Variants in ZNF208 observed in about 807,000 individuals in gnomAD.
ZNF208 encodes zinc finger protein 208.
A neutral mutation model predicts 12.1 loss-of-function variants in ZNF208; 10 were observed. The observed-to-expected ratio is 0.83, with a 90% confidence interval of 0.51 to 1.40. The LOEUF is 1.40. ZNF208 is among the 40% of genes most tolerant of loss of function. The pLI, the probability that ZNF208 is intolerant of heterozygous loss-of-function variation, is 0.00. For synonymous variants in ZNF208, 497 were observed against 488.4 expected (o/e 1.02, Z -0.23); for missense variants, 1,652 against 1,485.0 (o/e 1.11, Z -1.85).
chr19:21,978,048 T>C (rs1343594602), intron 3 of ZNF208, among the ~76,000 whole-genome samples: 1 of 151,954 alleles, frequency 6.6e-6, no homozygotes, highest in East Asian at 1.9e-4. Flanking sequence ...GCAGGGCATC[T>C]CTGAAAAAAA....
In ZNF208 at chr19:21,973,500, G is replaced by C; in HGVS notation, c.1534C>G (p.Leu512Val). The change falls in exon 4 of 4, where the codon CTT (leucine) becomes GTT (valine). Residue 512 changes from leucine (L) to valine (V), a missense_variant. Transcript: ENST00000397126. ...GTATGAATTCTCTTATGTTCCATAA[G>C]GTTTGAGGACCAGTTGAAAGCTTTG... ...CGKAFNWSSN[L>V]MEHKRIHTGE... The C allele has an allele frequency of 1.2e-6, 2 of 1,613,068 alleles. No individual in the cohort carries two copies. The highest frequency in any genetic ancestry group is 1.1e-5 in the South Asian group (1 of 91,044).
intron 3 of ZNF208, among the ~76,000 whole-genome samples, chr19:21,985,482 T>C (rs1054049062): frequency 6.6e-6 from 1 of 152,156 alleles, no homozygotes; most frequent in African/African-American, 2.4e-5. Flanking sequence ...AGCCCAAGAT[T>C]GAGGAGCACC....
At chr19:21,954,780 CTT>C (rs1479938216) in intron 4 of ZNF208, among the ~76,000 whole-genome samples, 3 of 152,158 alleles carry the variant, frequency 2.0e-5, no homozygotes, top group Non-Finnish European at 2.9e-5. Context: ...GGTCTTGACT[CTT>C]TATCCAATTT....
At chr19:21,965,113 C>T (rs1471415053), downstream of ZNF208, among the ~76,000 whole-genome samples, 1 of 151,942 alleles carries the variant, frequency 6.6e-6, no homozygotes, top group Admixed American at 6.6e-5. Context: ...GCAATTTTGA[C>T]TGTCAATTAT....
At chr19:21,993,688 A>G (rs572904538) in intron 1 of ZNF208, among the ~76,000 whole-genome samples, 3 of 152,200 alleles carry the variant, frequency 2.0e-5, no homozygotes, top group Non-Finnish European at 4.4e-5. Context: ...GCTTATTATT[A>G]GCATTAGTCA....
chr19:21,951,555 A>G (rs1045860095), intron 4 of ZNF208, among the ~76,000 whole-genome samples: 4 of 152,254 alleles, frequency 2.6e-5, no homozygotes, highest in African/African-American at 9.6e-5. Flanking sequence ...TCAAAGGAAT[A>G]TCATATGGTG....
chr19:21,978,263 C>A (rs367973051), intron 3 of ZNF208, among the ~76,000 whole-genome samples: 6 of 152,144 alleles, frequency 3.9e-5, no homozygotes, highest in African/African-American at 1.4e-4. Context: ...CCCTGACACC[C>A]GTGTCTCCTG....
At chr19:21,947,274 G>A (rs1276699286) in intron 4 of ZNF208, among the ~76,000 whole-genome samples, 1 of 151,954 alleles carries the variant, frequency 6.6e-6, no homozygotes, top group Non-Finnish European at 1.5e-5. Flanking sequence ...CATTTGATTT[G>A]TTTTTTTCTC....
rs755782292 is a variant in ZNF208, at chr19:21,973,291, G to A, written c.1743C>T (p.Tyr581=). Residue 581 remains tyrosine, a synonymous_variant, in exon 4 of 4, where the codon TAC becomes TAT. Coordinates refer to ENST00000397126, the MANE Select transcript of ZNF208 (RefSeq NM_007153.3). ...HKKIHTVEKP[Y]KCEECGKAFN... is the part of the protein sequence containing the mutation. ...AAGCTTTGCCACATTCTTCACATTTGTAGGGTTTCTCTACAGTATGAATTT... is the reference window on the plus strand; with the variant it reads ...AAGCTTTGCCACATTCTTCACATTTATAGGGTTTCTCTACAGTATGAATTT... The A allele has an allele frequency of 6.2e-6, 10 of 1,610,814 alleles. No individual in the cohort carries two copies. Among genetic ancestry groups the A allele is most frequent in the Non-Finnish European group, 8.5e-6 (10 of 1,178,558 alleles).
Position 21,970,567 on chromosome 19 carries a change from G to A in ZNF208, c.*624C>T. 1.4e-6 allele frequency: 1 copy of A among 725,480 alleles called. No homozygotes were observed. Among genetic ancestry groups the A allele is most frequent in the Non-Finnish European group, 2.3e-6 (1 of 435,362 alleles). 44.9% of individuals were successfully genotyped at this position (725,480 alleles called of 1,614,324 possible). A position where few individuals can be genotyped will look rare whatever the true frequency, so the allele number is the denominator to read the frequency against. On this transcript the variant is annotated 3_prime_UTR_variant, in exon 4 of 4. Coordinates refer to ENST00000397126, the MANE Select transcript of ZNF208 (RefSeq NM_007153.3). ...AATTCTTTTATGAGTAGTAAGGTGT[G>A]AGGACCAGTTGAAGTCTTTATCACA... is the stretch of plus-strand genomic sequence containing the variant.
chr19:22,001,819 G>A (rs779784477), intron 1 of ZNF208, among the ~76,000 whole-genome samples: 3 of 142,044 alleles, frequency 2.1e-5, no homozygotes, highest in Non-Finnish European at 3.0e-5. Context: ...CTTGAACCTG[G>A]GAGGCAGAGG....
Position 21,974,046 on chromosome 19 carries a change from TAA to T in ZNF208, c.986_987del (p.Ile329AsnfsTer3). 1.5e-6 allele frequency: 2 copies of T among 1,325,326 alleles called. 1 individual carries two copies. Among genetic ancestry groups the T allele is most frequent in the Non-Finnish European group, 2.0e-6 (2 of 996,018 alleles). 82.1% of individuals were successfully genotyped at this position (1,325,326 alleles called of 1,614,324 possible). A position where few individuals can be genotyped will look rare whatever the true frequency, so the allele number is the denominator to read the frequency against. On this transcript the variant is annotated frameshift_variant, in exon 4 of 4. Transcript: ENST00000397126. LOFTEE classifies it low-confidence loss of function (END_TRUNC). ...GKAFSKVSTL[I>X]THKAIHAGEK... ...TCTCCAGCATGAATTGCCTTATGTGTAATAAGGGTTGAGACCTTACTGAAGGC... is the reference window on the plus strand; with the variant it reads ...TCTCCAGCATGAATTGCCTTATGTGTTAAGGGTTGAGACCTTACTGAAGGC...
Position 21,969,960 on chromosome 19 carries a change from C to T in ZNF208, c.*1231G>A, listed in dbSNP as rs1231624300. Among the ~76,000 whole-genome samples the T allele has an allele frequency of 6.6e-6, 1 of 152,072 alleles. No individual in the cohort carries two copies. Among genetic ancestry groups the T allele is most frequent in the Non-Finnish European group, 1.5e-5 (1 of 68,000 alleles). Reference sequence around the variant, plus strand: ...TCTGTTGCCCAGGCTAGTGTAAATGCTTTCCTTTGCAATAAGGCATGAGCA... The same window carrying T: ...TCTGTTGCCCAGGCTAGTGTAAATGTTTTCCTTTGCAATAAGGCATGAGCA... On this transcript the variant is annotated 3_prime_UTR_variant, in exon 4 of 4. Coordinates refer to ENST00000397126, the MANE Select transcript of ZNF208 (RefSeq NM_007153.3).
rs780431946 is a variant in ZNF208 at position 21,970,073 on chromosome 19, A to T, written c.*1118T>A. ...TACAATCAAGTGTGACAGCCACTTA[A>T]AGGCTTTGTCATATTCTTCACTTTT... On this transcript the variant is annotated 3_prime_UTR_variant, in exon 4 of 4. Transcript: ENST00000397126. Among the ~76,000 whole-genome samples, 68 of 152,332 alleles carry T rather than the reference A, an allele frequency of 4.5e-4. No individual in the cohort carries two copies. Among genetic ancestry groups the T allele is most frequent in the Admixed American group, 2.9e-3 (44 of 15,284 alleles).
chr19:21,942,723 A>G (rs1969760731), intron 4 of ZNF208, among the ~76,000 whole-genome samples: 1 of 152,032 alleles, frequency 6.6e-6, no homozygotes, highest in African/African-American at 2.4e-5. Flanking sequence ...ATCTTGGTTC[A>G]CTGCAACCTC....
chr19:21,941,451 A>G (rs1376164108), intron 4 of ZNF208: 2 of 398,902 alleles, frequency 5.0e-6, no homozygotes, highest in African/African-American at 4.1e-5. Context: ...CATCACAGTC[A>G]CCACACAGTG....
rs1255960956 is a variant in ZNF208 at position 21,974,185 on chromosome 19, T to G, written c.849A>C (p.Lys283Asn). 1 of 1,603,164 alleles carries G rather than the reference T, an allele frequency of 6.2e-7. No homozygotes were observed. Among genetic ancestry groups the G allele is most frequent in the Middle Eastern group, 1.7e-4 (1 of 6,030 alleles). The change falls in exon 4 of 4, where the codon AAA becomes AAC. Residue 283 changes from lysine to asparagine, a missense_variant. Lys to Asn is a moderately conservative substitution (Grantham distance 94). Transcript: ENST00000397126. ...TKHKIIHTGE[K>N]PNKCEECGKA... is the part of the protein sequence containing the mutation. ...TGCCACATTCTTCACATTTGTTGGG[T>G]TTCTCTCCAGTATGAATTATCTTAT...
chr19:22,000,103 C>T (rs936012241), intron 1 of ZNF208, among the ~76,000 whole-genome samples: 3 of 152,180 alleles, frequency 2.0e-5, no homozygotes, highest in African/African-American at 7.2e-5. Context: ...GAATCTGACA[C>T]AGTAATAATC....
intron 1 of ZNF208, among the ~76,000 whole-genome samples, chr19:21,989,226 A>G (rs1970682878): frequency 7.5e-6 from 1 of 132,712 alleles, no homozygotes; most frequent in Non-Finnish European, 1.6e-5. Flanking sequence ...TCCTAATGCT[A>G]TCCCTCCCCC....
Sources: gnomAD v4.1 joint callset for allele counts (sites outside exome capture counted in the v4.1 genomes callset) on GRCh38, gnomAD v4.1.1 for gene constraint, MANE v1.5 for transcripts, NCBI Gene and HGNC (gene_info 2026-07-23, HGNC 2026-07-21) for gene names.